Variants in OC90 observed in about 807,000 individuals in gnomAD.
The protein encoded by OC90 is otoconin-90.
A neutral mutation model predicts 47.3 loss-of-function variants in OC90; 46 were observed. The observed-to-expected ratio is 0.97, with a 90% CI of 0.77 to 1.24. The LOEUF is 1.24. Among genes scored for constraint, OC90 ranks in the 50% most tolerant of loss-of-function variants. The probability of loss-of-function intolerance (pLI) is 0.00; values close to 1 mark genes in which losing one functional copy is unlikely to be tolerated. For synonymous variants in OC90, 271 were observed against 219.5 expected, an observed-to-expected ratio of 1.23 and a Z score of -2.07; for missense variants, 688 against 583.9, an observed-to-expected ratio of 1.18 and a Z score of -1.84.
At position 132,041,169 on chromosome 8, in the gene OC90, C is replaced by T. The variant is rs538136135; in HGVS notation, c.345-13G>A. On this transcript the variant is annotated splice_polypyrimidine_tract_variant and intron_variant, in intron 5 of 13. Transcript: ENST00000254627. Reference sequence around the variant, plus strand: ...CTGGAAGCAGCAGCTGTAGGAAGGCCGGGAGGAGGCAGGGTGAGAGTGTGG... The same window carrying T: ...CTGGAAGCAGCAGCTGTAGGAAGGCTGGGAGGAGGCAGGGTGAGAGTGTGG... 1.6e-5 allele frequency: 25 copies of T among 1,560,280 alleles called. No individual in the cohort carries two copies. Among genetic ancestry groups the T allele is most frequent in the South Asian group, 6.7e-5 (6 of 90,062 alleles).
chr8:132,029,149 C>G lies in OC90; in HGVS notation c.1062G>C (p.Glu354Asp). 1.9e-6 allele frequency: 3 copies of G among 1,613,912 alleles called. No individual in the cohort carries two copies. Among genetic ancestry groups the G allele is most frequent in the Non-Finnish European group, 2.5e-6 (3 of 1,179,820 alleles). The change falls in exon 13 of 14, where the codon GAG (glutamate) becomes GAC (aspartate). Residue 354 changes from glutamate to aspartate, a missense_variant. Glu to Asp is a conservative substitution (Grantham distance 45, BLOSUM62 2). Transcript: ENST00000254627. ...RCCLSHHCCL[E>D]QVRRLGCLLE... Reference sequence around the variant, plus strand: ...GCAGGCAGCCCAGCCTTCTCACTTGCTCTAGGCAGCAGTGATGGGACAAGC... The same window carrying G: ...GCAGGCAGCCCAGCCTTCTCACTTGGTCTAGGCAGCAGTGATGGGACAAGC...
intron 2 of OC90, among the ~76,000 whole-genome samples, chr8:132,052,421 CA>C (rs1823225141): frequency 6.6e-6 from 1 of 152,286 alleles, no homozygotes; most frequent in Admixed American, 6.5e-5. Flanking sequence ...TGTTCCTTGG[CA>C]ATTACTATTA....
At chr8:132,028,080 T>C (rs1254198956) in intron 13 of OC90, among the ~76,000 whole-genome samples, 1 of 152,170 alleles carries the variant, frequency 6.6e-6, no homozygotes, top group Non-Finnish European at 1.5e-5. Context: ...GAGCTGAGAA[T>C]CAGTAAGCTT....
intron 2 of OC90, among the ~76,000 whole-genome samples, chr8:132,051,479 G>A (rs1178223697): frequency 1.3e-5 from 2 of 152,206 alleles, no homozygotes; most frequent in Non-Finnish European, 2.9e-5. Flanking sequence ...GGGCTTTAGA[G>A]CACAACAAAT....
chr8:132,035,212 C>T (rs568567526), intron 9 of OC90, among the ~76,000 whole-genome samples: 2 of 152,182 alleles, frequency 1.3e-5, no homozygotes, highest in Non-Finnish European at 2.9e-5. Flanking sequence ...AAGTTGTTTG[C>T]TATGTGACTC....
intron 9 of OC90, among the ~76,000 whole-genome samples, chr8:132,035,624 A>G (rs1822947157): frequency 6.6e-6 from 1 of 152,240 alleles, no homozygotes. Context: ...CTAGTGTTCT[A>G]TGAAAACCAG....
chr8:132,028,029 G>A lies in OC90; in HGVS notation c.1138+1044C>T, dbSNP rs138909827. Among the ~76,000 whole-genome samples the A allele has an allele frequency of 2.5e-4, 38 of 152,190 alleles. 1 individual carries two copies. In the East Asian group the frequency reaches 4.8e-3, roughly 19 times the overall value. On this transcript the variant is annotated intron_variant, in intron 13 of 13. Coordinates refer to ENST00000254627, the MANE Select transcript of OC90 (RefSeq NM_001080399.3). ...ATGGGAAGAATAATAGTGCTACCTC[G>A]GGATACTGTTTTGAGGATTAATTCT...
intron 1 of OC90, among the ~76,000 whole-genome samples, chr8:132,055,738 G>A (rs960990367): frequency 6.6e-6 from 1 of 152,148 alleles, no homozygotes; most frequent in African/African-American, 2.4e-5. Flanking sequence ...GAGTTCAATA[G>A]ATACTCCTCG....
chr8:132,035,198 G>A (rs542659862), intron 9 of OC90, among the ~76,000 whole-genome samples: 1 of 152,236 alleles, frequency 6.6e-6, no homozygotes, highest in Non-Finnish European at 1.5e-5. Flanking sequence ...GAATTGCGTG[G>A]TTGAAGTTGT....
intron 9 of OC90, 42 bp from the exon 10 acceptor site, chr8:132,034,876 G>C (rs376818646): frequency 1.9e-5 from 29 of 1,529,424 alleles, no homozygotes; most frequent in Non-Finnish European, 2.4e-5. Flanking sequence ...ATCCACCCCA[G>C]CCTGTCCCAC....
At chr8:132,053,094 G>A (rs886724055) in intron 2 of OC90, among the ~76,000 whole-genome samples, 3 of 152,042 alleles carry the variant, frequency 2.0e-5, no homozygotes, top group Non-Finnish European at 2.9e-5. Flanking sequence ...CCCCTTGTCT[G>A]TTACCCTCGC....
chr8:132,034,233 C>A (rs573098747), intron 10 of OC90, among the ~76,000 whole-genome samples: 10 of 152,264 alleles, frequency 6.6e-5, no homozygotes, highest in South Asian at 2.1e-4. Flanking sequence ...AGATACATAA[C>A]CCTGGGCAAA....
intron 12 of OC90, among the ~76,000 whole-genome samples, chr8:132,031,342 G>A (rs577186885): frequency 1.2e-4 from 19 of 152,278 alleles, no homozygotes; most frequent in African/African-American, 4.3e-4. Context: ...ATATTTAAAC[G>A]AATGAATACA....
At chr8:132,058,181 A>G (rs994739657) in intron 1 of OC90, among the ~76,000 whole-genome samples, 7 of 152,148 alleles carry the variant, frequency 4.6e-5, no homozygotes, top group Non-Finnish European at 5.9e-5. Context: ...CCTGGGCAAC[A>G]GTGAGGATGA....
At chr8:132,031,836 C>T (rs1351568900) in intron 12 of OC90, 45 bp downstream of exon 12, 1 of 1,543,528 alleles carries the variant, frequency 6.5e-7, no homozygotes, top group East Asian at 2.3e-5. Context: ...GTGCAGACAG[C>T]ATCAGCACTA....
chr8:132,032,991 C>A (rs766313458), intron 11 of OC90, 48 bp downstream of exon 11: 10 of 1,588,374 alleles, frequency 6.3e-6, no homozygotes, highest in Non-Finnish European at 8.6e-6. Context: ...TTCACAGCCT[C>A]ACCAAAAGAT....
rs143666475 is a variant in OC90 at position 132,034,888 on chromosome 8, T to C, written c.680-54A>G. 7,356 of 1,446,196 alleles carry C rather than the reference T, an allele frequency of 5.1e-3. 30 individuals are homozygous for C. The highest frequency in any genetic ancestry group is 6.0e-3 in the Non-Finnish European group (6,171 of 1,032,274). The allele number at this position is 1,446,196 out of a possible 1,614,324, so 89.6% of individuals were successfully genotyped here. ...AGCATCCACCCCAGCCTGTCCCACC[T>C]GGGTTTCCAGAGGCTCTTCCCACCC... On this transcript the variant is annotated intron_variant, in intron 9 of 13. Transcript: ENST00000254627.
intron 13 of OC90, among the ~76,000 whole-genome samples, chr8:132,026,646 T>G (rs572023785): frequency 2.0e-5 from 3 of 152,288 alleles, no homozygotes; most frequent in East Asian, 1.9e-4. Context: ...CAGAACTGGT[T>G]TACTGAAGCT....
At chr8:132,030,310 T>C (rs1010874414) in intron 12 of OC90, among the ~76,000 whole-genome samples, 1 of 152,184 alleles carries the variant, frequency 6.6e-6, no homozygotes, top group Non-Finnish European at 1.5e-5. Flanking sequence ...ATAAAAAAAT[T>C]ATATCAGTTT....
Sources: allele counts gnomAD v4.1 joint callset (sites outside exome capture counted in the v4.1 genomes callset), GRCh38; gene constraint gnomAD v4.1.1; transcripts MANE v1.5; gene names NCBI Gene and HGNC (gene_info 2026-07-23, HGNC 2026-07-21).